Variants in LIMK2 observed in about 807,000 individuals in gnomAD.
LIMK2 encodes LIM domain kinase 2.
A neutral mutation model predicts 75.7 loss-of-function variants in LIMK2; 35 were observed. The observed-to-expected ratio is 0.46, with a 90% CI of 0.35 to 0.61. The LOEUF (loss-of-function observed/expected upper bound fraction) is 0.61. LIMK2 is among the 20% of genes least tolerant of loss of function. The probability of loss-of-function intolerance (pLI) is 0.00; values close to 1 mark genes in which losing one functional copy is unlikely to be tolerated. For synonymous variants in LIMK2, 301 were observed against 319.2 expected (o/e 0.94, Z 0.61); for missense variants, 623 against 831.0 (o/e 0.75, Z 3.08).
chr22:31,245,515 T>C lies in LIMK2; in HGVS notation c.117-12776T>C, dbSNP rs141521275. ...CAGGGTTTCTCCATGTTGGTCAGGC[T>C]AGTCTCGAACTTCCAACCTCAGGTG... On this transcript the variant is annotated intron_variant, in intron 2 of 15. Transcript: ENST00000331728. Among the ~76,000 whole-genome samples, 251 of 152,292 alleles carry C rather than the reference T, an allele frequency of 1.6e-3. 1 individual carries two copies. Among genetic ancestry groups the C allele is most frequent in the South Asian group, 5.2e-3 (25 of 4,824 alleles).
intron 1 of LIMK2, among the ~76,000 whole-genome samples, chr22:31,213,960 G>A (rs1254279511): frequency 6.6e-6 from 1 of 151,734 alleles, no homozygotes; most frequent in Non-Finnish European, 1.5e-5. Context: ...GGACAACAGG[G>A]GCCCGCCACC....
intron 1 of LIMK2, among the ~76,000 whole-genome samples, chr22:31,214,712 G>C (rs1246829028): frequency 6.6e-6 from 1 of 152,178 alleles, no homozygotes; most frequent in East Asian, 1.9e-4. Flanking sequence ...CCAGGCAGAG[G>C]AAACAGCATA....
intron 1 of LIMK2, among the ~76,000 whole-genome samples, chr22:31,220,872 G>A (rs1045489055): frequency 3.3e-5 from 5 of 152,230 alleles, no homozygotes; most frequent in Non-Finnish European, 7.3e-5. Context: ...GCTGAGGCAG[G>A]AGAATCACTT....
Position 31,273,440 on chromosome 22 carries a change from G to C in LIMK2, c.1559-12G>C. The C allele has an allele frequency of 6.2e-7, 1 of 1,612,172 alleles. No homozygotes were observed. Among genetic ancestry groups the C allele is most frequent in the Non-Finnish European group, 8.5e-7 (1 of 1,178,380 alleles). On this transcript the variant is annotated splice_polypyrimidine_tract_variant and intron_variant, in intron 13 of 15. Coordinates refer to ENST00000331728, the MANE Select transcript of LIMK2 (RefSeq NM_005569.4). Reference sequence around the variant, plus strand: ...TGTAAACTTAACAGTGTGCTCTCCTGTGTTCCCCAAGGAAAGAGCTATGAT... The same window carrying C: ...TGTAAACTTAACAGTGTGCTCTCCTCTGTTCCCCAAGGAAAGAGCTATGAT...
At chr22:31,276,439 T>C (rs2049016567) in intron 15 of LIMK2, among the ~76,000 whole-genome samples, 2 of 145,446 alleles carry the variant, frequency 1.4e-5, no homozygotes, top group South Asian at 4.4e-4. Flanking sequence ...GGTTTCCGGA[T>C]AGAGAAAGCG....
At chr22:31,234,155 G>A (rs769532625) in intron 2 of LIMK2, among the ~76,000 whole-genome samples, 7 of 151,814 alleles carry the variant, frequency 4.6e-5, no homozygotes, top group Non-Finnish European at 1.0e-4. Flanking sequence ...TGGGATTAAG[G>A]CACCGGCCCC....
rs550295515 is a variant in LIMK2 at position 31,247,364 on chromosome 22, A to T, written c.117-10927A>T. 2.0e-4 allele frequency among the ~76,000 whole-genome samples: 31 copies of T among 152,298 alleles called. No individual in the cohort carries two copies. In the South Asian group the frequency reaches 6.2e-3, roughly 31 times the overall value. On this transcript the variant is annotated intron_variant, in intron 2 of 15. Transcript: ENST00000331728. Reference sequence around the variant, plus strand: ...GCTCCCATTCCAGATACCTAGGCTTATCAATCCCTTTTGGCACCCCAGGCC... The same window carrying T: ...GCTCCCATTCCAGATACCTAGGCTTTTCAATCCCTTTTGGCACCCCAGGCC...
Position 31,259,123 on chromosome 22 carries a change from G to A in LIMK2, c.255G>A (p.Val85=). The change falls in exon 4 of 16, where the codon GTG becomes GTA. Residue 85 remains valine, a splice_region_variant and synonymous_variant. Coordinates refer to ENST00000331728, the MANE Select transcript of LIMK2 (RefSeq NM_005569.4). ...CSLLMTGPFM[V]AGEFKYHPEC... is the part of the protein sequence containing the mutation. ...CCCTTCTCCCCACCTGCTCACAGGT[G>A]GCTGGGGAGTTCAAGTACCACCCAG... is the stretch of plus-strand genomic sequence containing the variant. 6.3e-7 allele frequency: 1 copy of A among 1,599,812 alleles called. No individual in the cohort carries two copies. The highest frequency in any genetic ancestry group is 8.6e-7 in the Non-Finnish European group (1 of 1,167,112).
At chr22:31,268,104 A>T (rs146889261) in intron 10 of LIMK2, 40 bp from the exon 11 acceptor site, 1 of 1,603,762 alleles carries the variant, frequency 6.2e-7, no homozygotes, top group Admixed American at 1.7e-5. Context: ...CGAGTGGGAC[A>T]GGGCTCAACA....
At chr22:31,270,294 G>A (rs541507118) in intron 11 of LIMK2, among the ~76,000 whole-genome samples, 1 of 152,182 alleles carries the variant, frequency 6.6e-6, no homozygotes, top group East Asian at 1.9e-4. Flanking sequence ...GAAAAGGCTG[G>A]AAGAAAAAAA....
chr22:31,272,039 C>G (rs1207892188), intron 12 of LIMK2, among the ~76,000 whole-genome samples: 1 of 151,938 alleles, frequency 6.6e-6, no homozygotes, highest in Non-Finnish European at 1.5e-5. Flanking sequence ...ACACAAATGC[C>G]AAGTGTGTCT....
chr22:31,236,353 A>G lies in LIMK2; in HGVS notation c.116+10534A>G, dbSNP rs1477134543. On this transcript the variant is annotated intron_variant, in intron 2 of 15. Transcript: ENST00000331728. The stretch of plus-strand genomic sequence containing the variant: ...GCTGGGTGCAGGGCTTACACTTATA[A>G]TATCAGCACTTTGGGAGGCCTAGGC... Among the ~76,000 whole-genome samples the G allele has an allele frequency of 2.6e-5, 4 of 151,588 alleles. No individual in the cohort carries two copies. In the East Asian group the frequency reaches 7.7e-4, roughly 29 times the overall value.
intron 1 of LIMK2, among the ~76,000 whole-genome samples, chr22:31,219,808 G>A (rs1256158411): frequency 6.6e-6 from 1 of 152,134 alleles, no homozygotes; most frequent in African/African-American, 2.4e-5. Context: ...TCTTGACCTC[G>A]TGATCCACCC....
intron 5 of LIMK2, 109 bp downstream of exon 5, chr22:31,260,186 C>T (rs1601431754): frequency 1.1e-6 from 1 of 906,764 alleles, no homozygotes; most frequent in Non-Finnish European, 1.6e-6. Flanking sequence ...TTATTCTCAT[C>T]TCATATCTTT....
intron 2 of LIMK2, among the ~76,000 whole-genome samples, chr22:31,255,250 TCTC>T (rs890974856): frequency 7.2e-5 from 11 of 152,262 alleles, no homozygotes; most frequent in African/African-American, 2.2e-4. Flanking sequence ...CCCATATCTC[TCTC>T]CTCCTCATTT....
chr22:31,260,120 G>A (rs2048824293), intron 5 of LIMK2, 43 bp downstream of exon 5: 12 of 1,479,436 alleles, frequency 8.1e-6, no homozygotes, highest in East Asian at 7.3e-5. Context: ...CTTGAGCAGA[G>A]TCTGTAAATG....
chr22:31,241,425 C>G (rs1367050339), intron 2 of LIMK2, among the ~76,000 whole-genome samples: 1 of 152,190 alleles, frequency 6.6e-6, no homozygotes, highest in Non-Finnish European at 1.5e-5. Context: ...ATTGATGACT[C>G]ACCACATAAG....
At chr22:31,261,545 C>CAAAAAAAAAAAAA (rs574806431) in intron 5 of LIMK2, among the ~76,000 whole-genome samples, 6 of 126,400 alleles carry the variant, frequency 4.7e-5, no homozygotes, top group East Asian at 3.1e-4. Context: ...GACTCCATCT[C>CAAAAAAAAAAAAA]AAAAAAAAAA....
chr22:31,255,280 G>A (rs1251206367), intron 2 of LIMK2, among the ~76,000 whole-genome samples: 1 of 152,252 alleles, frequency 6.6e-6, no homozygotes, highest in East Asian at 1.9e-4. Context: ...CATCCCACAT[G>A]TATCTTATAT....
Sources: allele counts gnomAD v4.1 joint callset (sites outside exome capture counted in the v4.1 genomes callset), GRCh38; gene constraint gnomAD v4.1.1; transcripts MANE v1.5; gene names NCBI Gene and HGNC (gene_info 2026-07-23, HGNC 2026-07-21).